FNDC3A: variants seen among roughly 807,000 people sequenced by gnomAD.
The protein encoded by FNDC3A is fibronectin type III domain containing 3A, also known as fibronectin type-III domain-containing protein 3A.
A neutral mutation model predicts 148.9 loss-of-function variants in FNDC3A; 32 were observed. The observed-to-expected ratio is 0.21, with a 90% CI of 0.16 to 0.29. The LOEUF (loss-of-function observed/expected upper bound fraction) is 0.29. FNDC3A is among the 10% of genes least tolerant of loss of function. The probability of loss-of-function intolerance (pLI) is 1.00; values close to 1 mark genes in which losing one functional copy is unlikely to be tolerated. For synonymous variants in FNDC3A, 472 were observed against 473.6 expected (o/e 1.00, Z 0.04); for missense variants, 1,191 against 1,452.8 (o/e 0.82, Z 2.93).
At chr13:48,999,833 A>G (rs180674163) in intron 1 of FNDC3A, among the ~76,000 whole-genome samples, 259 of 152,298 alleles carry the variant, frequency 1.7e-3, no homozygotes, top group African/African-American at 6.1e-3. Context: ...GGCAACAGCA[A>G]GAAGATAGCC....
chr13:49,057,531 G>A (rs1467459063), intron 2 of FNDC3A, among the ~76,000 whole-genome samples: 1 of 151,828 alleles, frequency 6.6e-6, no homozygotes, highest in Non-Finnish European at 1.5e-5. Context: ...TTATGCATTT[G>A]TTATCTTATA....
rs560858048 is a variant in FNDC3A, at chr13:49,068,630, A to G, written c.100-6659A>G. ...TCCATTCATTGCCACACTATTCACA[A>G]TAGCCAAGACATGGAATCAACCTAA... On this transcript the variant is annotated intron_variant, in intron 2 of 25. Coordinates refer to ENST00000492622, the MANE Select transcript of FNDC3A (RefSeq NM_001079673.2). 1.0e-3 allele frequency among the ~76,000 whole-genome samples: 153 copies of G among 152,354 alleles called. 1 individual carries two copies. The highest frequency in any genetic ancestry group is 3.5e-3 in the African/African-American group (145 of 41,594).
intron 1 of FNDC3A, among the ~76,000 whole-genome samples, chr13:49,002,982 T>G (rs139216571): frequency 0.015 from 2,361 of 152,344 alleles, 36 homozygotes; most frequent in Non-Finnish European, 0.021. Flanking sequence ...CTAAGTGATT[T>G]ACGAATTTTC....
At chr13:49,194,324 G>T (rs1886042998) in intron 19 of FNDC3A, among the ~76,000 whole-genome samples, 1 of 152,150 alleles carries the variant, frequency 6.6e-6, no homozygotes, top group Non-Finnish European at 1.5e-5. Flanking sequence ...TTTAAATTAG[G>T]AACTTTTGAA....
chr13:49,018,606 A>G (rs1216753434), intron 2 of FNDC3A, among the ~76,000 whole-genome samples: 1 of 152,294 alleles, frequency 6.6e-6, no homozygotes, highest in Non-Finnish European at 1.5e-5. Context: ...TCAGCTCGTC[A>G]AAGTCATTCT....
chr13:48,986,385 G>GTTTT (rs869031197), intron 1 of FNDC3A, among the ~76,000 whole-genome samples: 2,095 of 54,398 alleles, frequency 0.039, 713 homozygotes, highest in African/African-American at 0.079. Context: ...GAAGGAAGTT[G>GTTTT]TTTTTTTTTT....
intron 1 of FNDC3A, among the ~76,000 whole-genome samples, chr13:48,995,123 C>T (rs1403728823): frequency 6.6e-6 from 1 of 152,134 alleles, no homozygotes; most frequent in African/African-American, 2.4e-5. Context: ...CTATGTTGCC[C>T]AGGCTGGTCT....
intron 19 of FNDC3A, 83 bp from the exon 20 acceptor site, chr13:49,196,790 TAATG>T (rs1886177385): frequency 1.7e-6 from 1 of 600,288 alleles, no homozygotes; most frequent in Admixed American, 3.4e-5. Flanking sequence ...AAGACTTTAT[TAATG>T]AATCTTTAAA....
chr13:49,013,232 T>G (rs926669220), intron 2 of FNDC3A, among the ~76,000 whole-genome samples: 1 of 152,094 alleles, frequency 6.6e-6, no homozygotes, highest in Non-Finnish European at 1.5e-5. Flanking sequence ...GGAGGATCAC[T>G]TGAGCCTGGG....
At chr13:49,121,778 C>A (rs181061930) in intron 4 of FNDC3A, among the ~76,000 whole-genome samples, 2 of 152,032 alleles carry the variant, frequency 1.3e-5, no homozygotes, top group African/African-American at 4.8e-5. Context: ...GACGCATACA[C>A]CCCCCCAAAG....
intron 3 of FNDC3A, among the ~76,000 whole-genome samples, chr13:49,108,054 A>G (rs1880312027): frequency 6.6e-6 from 1 of 152,184 alleles, no homozygotes; most frequent in Admixed American, 6.5e-5. Context: ...TGGAGAGATG[A>G]AAGAAAGATA....
chr13:49,013,620 ACG>A (rs1952417147), intron 2 of FNDC3A, among the ~76,000 whole-genome samples: 1 of 151,692 alleles, frequency 6.6e-6, no homozygotes, highest in South Asian at 2.1e-4. Context: ...ACATGTGTAC[ACG>A]TGTATACATG....
intron 2 of FNDC3A, among the ~76,000 whole-genome samples, chr13:49,007,760 A>G (rs1048640403): frequency 1.3e-5 from 2 of 152,106 alleles, no homozygotes; most frequent in African/African-American, 2.4e-5. Flanking sequence ...GAATAGAAGA[A>G]CCTACTAGCA....
At position 49,092,489 on chromosome 13, in the gene FNDC3A, G is replaced by A. The variant is rs1192159454; in HGVS notation, c.175+17125G>A. The stretch of plus-strand genomic sequence containing the variant: ...GTTGTGCCCATCCAGATTAAGGTTA[G>A]GTCTGCCTTTCCCAGCCCACTAACT... On this transcript the variant is annotated intron_variant, in intron 3 of 25. Coordinates refer to ENST00000492622, the MANE Select transcript of FNDC3A (RefSeq NM_001079673.2). 2.0e-5 allele frequency among the ~76,000 whole-genome samples: 3 copies of A among 152,092 alleles called. No individual in the cohort carries two copies. The East Asian group carries it at 5.8e-4, about 29-fold the overall frequency.
At chr13:49,164,343 T>G (rs1884335428) in intron 8 of FNDC3A, among the ~76,000 whole-genome samples, 1 of 152,226 alleles carries the variant, frequency 6.6e-6, no homozygotes, top group Non-Finnish European at 1.5e-5. Context: ...TTTGACAGTT[T>G]GACTATAATT....
intron 3 of FNDC3A, among the ~76,000 whole-genome samples, chr13:49,077,554 T>C (rs150542377): frequency 2.1e-4 from 32 of 152,292 alleles, no homozygotes; most frequent in African/African-American, 7.5e-4. Context: ...CTTATATATC[T>C]GAGAGTTAAA....
chr13:49,010,234 T>C (rs2137607949), intron 2 of FNDC3A, among the ~76,000 whole-genome samples: 1 of 152,320 alleles, frequency 6.6e-6, no homozygotes, highest in Middle Eastern at 3.4e-3. Context: ...ATCTTTGGGC[T>C]GTAAGGGTGA....
chr13:49,109,698 A>C (rs187308030), intron 3 of FNDC3A, among the ~76,000 whole-genome samples: 1 of 152,308 alleles, frequency 6.6e-6, no homozygotes, highest in Admixed American at 6.5e-5. Flanking sequence ...TCTACTGAGC[A>C]CCTGCACTTT....
At chr13:49,137,271 ACT>A (rs2137943084) in intron 6 of FNDC3A, among the ~76,000 whole-genome samples, 1 of 151,210 alleles carries the variant, frequency 6.6e-6, no homozygotes, top group East Asian at 2.0e-4. Context: ...TTTCTCCTAA[ACT>A]CTCCTTGTTA....
Sources: gnomAD v4.1 joint callset for allele counts (sites outside exome capture counted in the v4.1 genomes callset) on GRCh38, gnomAD v4.1.1 for gene constraint, MANE v1.5 for transcripts, NCBI Gene and HGNC (gene_info 2026-07-23, HGNC 2026-07-21) for gene names.